Variants in THSD7B observed in about 807,000 individuals in gnomAD.
THSD7B encodes the protein thrombospondin type-1 domain-containing protein 7B.
In THSD7B, 138 loss-of-function variants were observed where a neutral mutation model predicts 213.6. The ratio of observed to expected loss-of-function variants is 0.65; its 90% CI spans 0.56 to 0.74. The LOEUF is 0.74. THSD7B is among the 30% of genes least tolerant of loss of function. The pLI, the probability that THSD7B is intolerant of heterozygous loss-of-function variation, is 0.00. For synonymous variants in THSD7B, 742 were observed against 687.0 expected (o/e 1.08, Z -1.25); for missense variants, 1,931 against 1,991.5 (o/e 0.97, Z 0.58).
At chr2:137,200,550 AAC>A (rs1680854172) in intron 7 of THSD7B, among the ~76,000 whole-genome samples, 1 of 152,130 alleles carries the variant, frequency 6.6e-6, no homozygotes, top group Admixed American at 6.6e-5. Context: ...TTTAAATGCA[AAC>A]ACACATGTGC....
At chr2:137,474,815 T>C (rs1350409076) in intron 15 of THSD7B, among the ~76,000 whole-genome samples, 2 of 152,176 alleles carry the variant, frequency 1.3e-5, no homozygotes, top group East Asian at 1.9e-4. Flanking sequence ...TTCTATCTTA[T>C]GTAAGAAAAT....
intron 12 of THSD7B, among the ~76,000 whole-genome samples, chr2:137,326,417 C>G (rs182001166): frequency 6.6e-6 from 1 of 152,222 alleles, no homozygotes; most frequent in East Asian, 1.9e-4. Context: ...TTAAGCCCCC[C>G]ACACATTCTT....
At chr2:136,923,856 C>G (rs1393838946) in intron 2 of THSD7B, among the ~76,000 whole-genome samples, 1 of 152,078 alleles carries the variant, frequency 6.6e-6, no homozygotes, top group African/African-American at 2.4e-5. Flanking sequence ...GATACTAACT[C>G]CTTATCAGAT....
intron 15 of THSD7B, among the ~76,000 whole-genome samples, chr2:137,480,311 T>G (rs1164522428): frequency 6.6e-6 from 1 of 152,198 alleles, no homozygotes; most frequent in Non-Finnish European, 1.5e-5. Context: ...TTATTGATTA[T>G]AGAAATAATA....
chr2:137,261,342 T>G (rs577777658), intron 10 of THSD7B, among the ~76,000 whole-genome samples: 1 of 152,284 alleles, frequency 6.6e-6, no homozygotes, highest in South Asian at 2.1e-4. Context: ...AGAAATATGC[T>G]TAACCTATCC....
intron 12 of THSD7B, among the ~76,000 whole-genome samples, chr2:137,279,419 G>A (rs948551663): frequency 3.3e-5 from 5 of 151,814 alleles, no homozygotes; most frequent in Admixed American, 6.6e-5. Flanking sequence ...AATGCATGCC[G>A]GTCATCCCAG....
intron 1 of THSD7B, among the ~76,000 whole-genome samples, chr2:136,876,233 G>A (rs1172687802): frequency 6.6e-6 from 1 of 152,120 alleles, no homozygotes; most frequent in Non-Finnish European, 1.5e-5. Context: ...CTCTGACATG[G>A]CATTGACTTT....
At chr2:136,827,097 G>A (rs1356692094) in intron 1 of THSD7B, among the ~76,000 whole-genome samples, 1 of 152,214 alleles carries the variant, frequency 6.6e-6, no homozygotes, top group Non-Finnish European at 1.5e-5. Flanking sequence ...TTAGTGGTCA[G>A]ATTTGACCTG....
rs776503909 is a variant in THSD7B at position 137,276,029 on chromosome 2, A to T, written c.2500+3A>T. 6 of 1,606,276 alleles carry T rather than the reference A, an allele frequency of 3.7e-6. No homozygotes were observed. Among genetic ancestry groups the T allele is most frequent in the Non-Finnish European group, 4.3e-6 (5 of 1,176,122 alleles). ...TGGAAAGGGGTTACAAACAAGAGGT[A>T]TGATGATTTTTACATAGTTTTTTTT... On this transcript the variant is annotated splice_donor_region_variant and intron_variant, in intron 12 of 27. Coordinates refer to ENST00000409968, the MANE Select transcript of THSD7B (RefSeq NM_001316349.2).
Position 136,990,927 on chromosome 2 carries a change from C to T in THSD7B, c.140-65493C>T, listed in dbSNP as rs1309565669. 3.7e-6 allele frequency: 5 copies of T among 1,347,438 alleles called. No homozygotes were observed. The Admixed American group carries it at 1.0e-4, about 27-fold the overall frequency. The allele number at this position is 1,347,438 out of a possible 1,614,324, so 83.5% of individuals were successfully genotyped here. A position where few individuals can be genotyped will look rare whatever the true frequency, so the allele number is the denominator to read the frequency against. ...CAGCAGATGAGGTGGTTTTGTATCA[C>T]AAATTAGCAGGTAAATCAGAAGAAT... On this transcript the variant is annotated intron_variant, in intron 2 of 27. Coordinates refer to ENST00000409968, the MANE Select transcript of THSD7B (RefSeq NM_001316349.2).
At chr2:137,558,964 A>G (rs1323239150) in intron 15 of THSD7B, among the ~76,000 whole-genome samples, 1 of 152,136 alleles carries the variant, frequency 6.6e-6, no homozygotes, top group East Asian at 1.9e-4. Context: ...CCCATTCACA[A>G]TTGCTTCAAA....
intron 1 of THSD7B, among the ~76,000 whole-genome samples, chr2:136,851,250 A>G (rs543081861): frequency 3.9e-5 from 6 of 152,062 alleles, no homozygotes; most frequent in African/African-American, 1.4e-4. Context: ...TTTTTATACC[A>G]TTCTTTTATT....
intron 1 of THSD7B, among the ~76,000 whole-genome samples, chr2:136,785,112 A>G (rs1417447141): frequency 6.6e-6 from 1 of 152,164 alleles, no homozygotes; most frequent in Non-Finnish European, 1.5e-5. Context: ...CTGAGCTGGC[A>G]TCCTCTGAGG....
intron 2 of THSD7B, among the ~76,000 whole-genome samples, chr2:136,899,166 G>A (rs114966466): frequency 0.015 from 2,285 of 152,186 alleles, 57 homozygotes; most frequent in African/African-American, 0.052. Context: ...GAGAGGACCT[G>A]GTTCAAATAG....
intron 2 of THSD7B, among the ~76,000 whole-genome samples, chr2:136,944,711 G>GC (rs1422151363): frequency 1.4e-4 from 14 of 97,198 alleles, no homozygotes; most frequent in South Asian, 3.9e-4. Flanking sequence ...TGCAACCCCT[G>GC]CTTTTTTTTT....
rs746519581 is a variant in THSD7B, at chr2:137,095,105, C to T, written c.1183C>T (p.Leu395=). ...GGCCTGCATTGTTGAAGGAGAACTT[C>T]TGCAGCAATGTCCCAGGTATTACGC... The part of the protein sequence containing the change: ...KEACIVEGEL[L]QQCPRYSWRT... Residue 395 remains leucine, a synonymous_variant, in exon 4 of 28, where the codon CTG becomes TTG. Transcript: ENST00000409968. 2 of 1,613,826 alleles carry T rather than the reference C, an allele frequency of 1.2e-6. No individual in the cohort carries two copies. The highest frequency in any genetic ancestry group is 1.7e-6 in the Non-Finnish European group (2 of 1,179,814).
At chr2:136,990,699 C>T (rs916247659) in intron 2 of THSD7B, among the ~76,000 whole-genome samples, 1 of 152,144 alleles carries the variant, frequency 6.6e-6, no homozygotes, top group Non-Finnish European at 1.5e-5. Context: ...CAGCTTTCTA[C>T]ATTAAATACA....
At chr2:137,233,642 C>T (rs1681694211) in intron 9 of THSD7B, among the ~76,000 whole-genome samples, 1 of 152,106 alleles carries the variant, frequency 6.6e-6, no homozygotes, top group South Asian at 2.1e-4. Context: ...ACTCTATGTA[C>T]ATGGAGATAT....
intron 15 of THSD7B, among the ~76,000 whole-genome samples, chr2:137,486,102 A>G (rs1462958958): frequency 1.9e-4 from 29 of 152,264 alleles, no homozygotes; most frequent in Middle Eastern, 3.4e-3. Flanking sequence ...AAGCAAAATA[A>G]CCAGCTAACA....
Sources: allele counts gnomAD v4.1 joint callset (sites outside exome capture counted in the v4.1 genomes callset), GRCh38; gene constraint gnomAD v4.1.1; transcripts MANE v1.5; gene names NCBI Gene and HGNC (gene_info 2026-07-23, HGNC 2026-07-21).